STS: variants seen among roughly 807,000 people sequenced by gnomAD.
The protein encoded by STS is steroid sulfatase, also known as steryl-sulfatase.
In STS, 7 loss-of-function variants were observed where a neutral mutation model predicts 26.8. The ratio of observed to expected loss-of-function variants is 0.26; its 90% CI spans 0.15 to 0.49. The LOEUF is 0.49. Ranked by LOEUF, STS falls within the 20% of genes least tolerant of loss-of-function variation. The pLI is 0.98. For synonymous variants in STS, 199 were observed against 189.4 expected (o/e 1.05, Z -0.42); for missense variants, 434 against 465.6 (o/e 0.93, Z 0.63).
chrX:7,251,558 G>T (rs954645564), intron 2 of STS, among the ~76,000 whole-genome samples: 1 of 111,613 alleles, frequency 9.0e-6, no homozygotes, highest in Non-Finnish European at 1.9e-5. Context: ...GGCAATGAGG[G>T]TCCAGTGTCA....
chrX:7,330,915 C>G (rs1458453187), intron 9 of STS, among the ~76,000 whole-genome samples: 5 of 112,097 alleles, frequency 4.5e-5, no homozygotes, highest in African/African-American at 1.6e-4. Flanking sequence ...GTACTTTCTC[C>G]TAAAGATGTT....
intron 6 of STS, among the ~76,000 whole-genome samples, chrX:7,269,695 T>G (rs1330205571): frequency 1.8e-5 from 2 of 111,391 alleles, no homozygotes; most frequent in African/African-American, 3.3e-5. Flanking sequence ...ATGGAAGACA[T>G]GAACAGCTGG....
intron 6 of STS, among the ~76,000 whole-genome samples, chrX:7,263,827 A>G (rs1371719832): frequency 1.1e-5 from 1 of 89,269 alleles, no homozygotes; most frequent in East Asian, 3.7e-4. Context: ...TTGTGTATAT[A>G]TATGTGTGTG....
In STS at chrX:7,274,859, T is replaced by G. The variant is rs183482784; in HGVS notation, c.807-1092T>G. 3.6e-5 allele frequency among the ~76,000 whole-genome samples: 4 copies of G among 112,185 alleles called. No individual in the cohort carries two copies. In the East Asian group the frequency reaches 1.1e-3, roughly 31 times the overall value. ...TGTTCATTCTAGGAGACTTGTTGTA[T>G]TATAGAAGAGGGTAGAACACAAAAT... is the stretch of plus-strand genomic sequence containing the variant. On this transcript the variant is annotated intron_variant, in intron 6 of 10. Coordinates refer to ENST00000674429, the MANE Select transcript of STS (RefSeq NM_001320752.2).
chrX:7,206,247 T>A (rs1450091784), intron 2 of STS, among the ~76,000 whole-genome samples: 1 of 112,397 alleles, frequency 8.9e-6, no homozygotes, highest in Non-Finnish European at 1.9e-5. Flanking sequence ...AGCTGAAGAT[T>A]GGGACCTGGT....
intron 6 of STS, among the ~76,000 whole-genome samples, chrX:7,261,240 G>T (rs1923733101): frequency 9.0e-6 from 1 of 111,289 alleles, no homozygotes; most frequent in Non-Finnish European, 1.9e-5. Context: ...GTAAAAGAGA[G>T]TTGGGAGGGT....
intron 7 of STS, among the ~76,000 whole-genome samples, chrX:7,280,799 C>G (rs1349601982): frequency 8.9e-6 from 1 of 112,466 alleles, no homozygotes; most frequent in Admixed American, 9.4e-5. Flanking sequence ...TCAGCCTTTG[C>G]TCAGGATTAG....
chrX:7,345,555 CAG>C (rs1437323897), intron 10 of STS, among the ~76,000 whole-genome samples: 2 of 110,935 alleles, frequency 1.8e-5, no homozygotes, highest in African/African-American at 6.6e-5. Flanking sequence ...GGAGTTTCTT[CAG>C]ACCCCCAGTA....
At chrX:7,164,413 C>T (rs1373923773) in intron 1 of STS, among the ~76,000 whole-genome samples, 2 of 111,153 alleles carry the variant, frequency 1.8e-5, no homozygotes, top group Non-Finnish European at 3.8e-5. Flanking sequence ...TCGGATGCAG[C>T]TTCCATTATG....
At chrX:7,331,263 GT>G (rs1927732104) in intron 9 of STS, among the ~76,000 whole-genome samples, 2 of 111,252 alleles carry the variant, frequency 1.8e-5, no homozygotes, top group Admixed American at 9.6e-5. Flanking sequence ...AAAATTGTCT[GT>G]ATGGTATTTA....
chrX:7,285,426 T>C (rs1277290456), intron 7 of STS, among the ~76,000 whole-genome samples: 8 of 111,917 alleles, frequency 7.1e-5, no homozygotes, highest in African/African-American at 2.6e-4. Context: ...AAGAGAAAGA[T>C]TGCAGAATTT....
chrX:7,266,064 C>T lies in STS; in HGVS notation c.806+6292C>T, dbSNP rs148332666. Among the ~76,000 whole-genome samples, 79 of 111,480 alleles carry T rather than the reference C, an allele frequency of 7.1e-4. No homozygotes were observed. The East Asian group carries it at 0.015, about 21-fold the overall frequency. ...AATGGAGGTAGAGTTATTCAGCAGC[C>T]GAAAAAGGAATGCCTGATCAAAGCA... On this transcript the variant is annotated intron_variant, in intron 6 of 10. Transcript: ENST00000674429.
intron 3 of STS, among the ~76,000 whole-genome samples, chrX:7,253,774 T>A (rs1481028383): frequency 8.9e-6 from 1 of 112,099 alleles, no homozygotes; most frequent in Non-Finnish European, 1.9e-5. Flanking sequence ...CTCCCTCTTC[T>A]AGCCCAGGCC....
At chrX:7,184,332 A>G (rs1356208868) in intron 1 of STS, among the ~76,000 whole-genome samples, 1 of 112,787 alleles carries the variant, frequency 8.9e-6, no homozygotes, top group African/African-American at 3.2e-5. Flanking sequence ...AGCAATTTCC[A>G]TCGTGGTCTT....
At chrX:7,305,303 G>A in intron 8 of STS, 120 bp downstream of exon 8, 1 of 930,152 alleles carries the variant, frequency 1.1e-6, no homozygotes, top group Non-Finnish European at 1.5e-6. Context: ...GGACTTCCTT[G>A]TGTCATGGAG....
At chrX:7,162,603 C>T (rs1350727166) in intron 1 of STS, among the ~76,000 whole-genome samples, 11 of 110,244 alleles carry the variant, frequency 1.0e-4, no homozygotes, top group African/African-American at 3.3e-4. Context: ...ACTGTTGGTA[C>T]GTGGGGCTGG....
At chrX:7,306,503 T>C (rs1304409837) in intron 8 of STS, among the ~76,000 whole-genome samples, 1 of 112,113 alleles carries the variant, frequency 8.9e-6, no homozygotes, top group Non-Finnish European at 1.9e-5. Context: ...TCTGTGTGTC[T>C]TGCATTGGGC....
chrX:7,224,161 C>T (rs1192630857), intron 2 of STS, among the ~76,000 whole-genome samples: 1 of 111,662 alleles, frequency 9.0e-6, no homozygotes, highest in Non-Finnish European at 1.9e-5. Flanking sequence ...GATCTTTTCA[C>T]TTAAAGCTCT....
intron 2 of STS, among the ~76,000 whole-genome samples, chrX:7,212,114 A>G (rs1214820096): frequency 8.9e-6 from 1 of 111,773 alleles, no homozygotes; most frequent in Non-Finnish European, 1.9e-5. Flanking sequence ...TATGCAAGTG[A>G]TAATATGGCT....
Sources: gnomAD v4.1 joint callset for allele counts (sites outside exome capture counted in the v4.1 genomes callset) on GRCh38, gnomAD v4.1.1 for gene constraint, MANE v1.5 for transcripts, NCBI Gene and HGNC (gene_info 2026-07-23, HGNC 2026-07-21) for gene names.